The following KCNIP4 variants were observed in gnomAD, a reference collection of about 807,000 sequenced individuals.
KCNIP4 encodes the protein Kv channel-interacting protein 4.
In KCNIP4, 12 loss-of-function variants were observed where a neutral mutation model predicts 34.0. That is an observed-to-expected ratio of 0.35 (90% CI 0.23 to 0.57). KCNIP4 has a LOEUF of 0.57. Ranked by LOEUF, KCNIP4 falls within the 20% of genes least tolerant of loss-of-function variation. The probability of loss-of-function intolerance (pLI) is 0.83; values close to 1 mark genes in which losing one functional copy is unlikely to be tolerated. For synonymous variants in KCNIP4, 124 were observed against 102.2 expected, an observed-to-expected ratio of 1.21 and a Z score of -1.29; for missense variants, 238 against 311.7, an observed-to-expected ratio of 0.76 and a Z score of 1.78.
chr4:21,250,198 G>A (rs573686332), intron 1 of KCNIP4, among the ~76,000 whole-genome samples: 21 of 135,264 alleles, frequency 1.6e-4, no homozygotes, highest in Non-Finnish European at 2.6e-4. Context: ...CTACACTCTC[G>A]CAGAGATCTT....
At chr4:21,704,638 G>A (rs1430932145) in intron 1 of KCNIP4, among the ~76,000 whole-genome samples, 2 of 152,230 alleles carry the variant, frequency 1.3e-5, no homozygotes, top group East Asian at 3.9e-4. Context: ...TTATTGAAAT[G>A]CAGACTAAAA....
At chr4:20,910,043 G>C (rs1317082150) in intron 1 of KCNIP4, among the ~76,000 whole-genome samples, 1 of 152,120 alleles carries the variant, frequency 6.6e-6, no homozygotes, top group Non-Finnish European at 1.5e-5. Context: ...GCAGTTTTTC[G>C]ATCACTGTAA....
intron 1 of KCNIP4, among the ~76,000 whole-genome samples, chr4:21,707,134 A>G (rs1713339130): frequency 6.6e-6 from 1 of 152,186 alleles, no homozygotes; most frequent in Non-Finnish European, 1.5e-5. Flanking sequence ...TAAATTGACC[A>G]CAAACCATAC....
chr4:21,755,363 A>C (rs1279203535), intron 1 of KCNIP4, among the ~76,000 whole-genome samples: 1 of 152,218 alleles, frequency 6.6e-6, no homozygotes, highest in Non-Finnish European at 1.5e-5. Flanking sequence ...TCATTTAGTT[A>C]CTTACTCTAA....
At chr4:21,135,647 G>A (rs1424081852) in intron 1 of KCNIP4, among the ~76,000 whole-genome samples, 1 of 152,138 alleles carries the variant, frequency 6.6e-6, no homozygotes, top group Non-Finnish European at 1.5e-5. Flanking sequence ...CTATTCTACT[G>A]AAAACTTATT....
chr4:21,188,963 G>T (rs1328640526), intron 1 of KCNIP4, among the ~76,000 whole-genome samples: 1 of 152,162 alleles, frequency 6.6e-6, no homozygotes, highest in Non-Finnish European at 1.5e-5. Flanking sequence ...TGTAGAGTTA[G>T]AAAGTCCTAG....
chr4:20,852,861 TC>T (rs1423961232), intron 2 of KCNIP4, among the ~76,000 whole-genome samples: 2 of 152,094 alleles, frequency 1.3e-5, no homozygotes, highest in South Asian at 4.1e-4. Flanking sequence ...AATCAAGAAC[TC>T]AACCCCTTTA....
intron 1 of KCNIP4, among the ~76,000 whole-genome samples, chr4:21,413,101 T>C (rs1724646913): frequency 6.6e-6 from 1 of 152,192 alleles, no homozygotes; most frequent in Non-Finnish European, 1.5e-5. Context: ...GTTACAGAAT[T>C]GGCAGGGGCC....
chr4:21,764,707 C>G (rs546002922), intron 1 of KCNIP4, among the ~76,000 whole-genome samples: 1 of 152,138 alleles, frequency 6.6e-6, no homozygotes, highest in East Asian at 1.9e-4. Context: ...ATCTTTTCTG[C>G]CCTTTCCACC....
intron 1 of KCNIP4, among the ~76,000 whole-genome samples, chr4:21,512,824 C>T (rs974785996): frequency 5.3e-5 from 8 of 152,166 alleles, no homozygotes; most frequent in Non-Finnish European, 1.2e-4. Context: ...ACATAATTGG[C>T]TGATTTATAT....
chr4:21,041,691 G>A (rs554081731), intron 1 of KCNIP4, among the ~76,000 whole-genome samples: 13 of 152,224 alleles, frequency 8.5e-5, no homozygotes, highest in South Asian at 4.1e-4. Context: ...ATGATCTTTC[G>A]GTGATGACAA....
intron 1 of KCNIP4, among the ~76,000 whole-genome samples, chr4:21,594,916 C>G (rs1742512757): frequency 2.0e-5 from 3 of 152,108 alleles, no homozygotes; most frequent in Middle Eastern, 3.4e-3. Context: ...GCAAAAGTAA[C>G]TGTGGTTTTG....
rs888638953 is a variant in KCNIP4, at chr4:20,729,570, GT to G, written c.*511del. On this transcript the variant is annotated 3_prime_UTR_variant, in exon 9 of 9. Transcript: ENST00000382152. ...AAGGCCATAGAAACTGGAACTATGT[GT>G]TTTTTTAATTGTTGTAATCTTGTTT... 1 of 148,622 alleles carries G rather than the reference GT, an allele frequency of 6.7e-6. No individual in the cohort carries two copies. Among genetic ancestry groups the G allele is most frequent in the Non-Finnish European group, 1.5e-5 (1 of 67,282 alleles). 9.2% of individuals were successfully genotyped at this position (148,622 alleles called of 1,614,324 possible). A position where few individuals can be genotyped will look rare whatever the true frequency, so the allele number is the denominator to read the frequency against.
At chr4:20,974,216 G>A (rs555178026) in intron 1 of KCNIP4, among the ~76,000 whole-genome samples, 2 of 152,158 alleles carry the variant, frequency 1.3e-5, no homozygotes, top group African/African-American at 4.8e-5. Context: ...TCTGGACACC[G>A]TGAAAATACA....
chr4:21,179,361 C>G (rs182141213), intron 1 of KCNIP4, among the ~76,000 whole-genome samples: 1 of 152,154 alleles, frequency 6.6e-6, no homozygotes, highest in African/African-American at 2.4e-5. Context: ...ACAAAGCATC[C>G]TTCACATAAA....
At position 21,217,987 on chromosome 4, in the gene KCNIP4, GT is replaced by G. The variant is rs57025407; in HGVS notation, c.62-335279del. On this transcript the variant is annotated intron_variant, in intron 1 of 8. Coordinates refer to ENST00000382152, the MANE Select transcript of KCNIP4 (RefSeq NM_025221.6). ...CTTTTGGTCACCATCCCCCTGTATAGTTTTTTTTTTTAAATTTATTTATTTA... is the reference window on the plus strand; with the variant it reads ...CTTTTGGTCACCATCCCCCTGTATAGTTTTTTTTTTAAATTTATTTATTTA... 1.7e-3 allele frequency among the ~76,000 whole-genome samples: 250 copies of G among 145,390 alleles called. 1 individual carries two copies. The highest frequency in any genetic ancestry group is 5.0e-3 in the African/African-American group (199 of 39,654).
chr4:20,926,626 G>A (rs1299534840), intron 1 of KCNIP4, among the ~76,000 whole-genome samples: 2 of 152,074 alleles, frequency 1.3e-5, no homozygotes, highest in African/African-American at 2.4e-5. Flanking sequence ...CATTTATAAG[G>A]TTCATTTCTT....
At chr4:21,528,943 C>T (rs1383274687) in intron 1 of KCNIP4, among the ~76,000 whole-genome samples, 1 of 151,974 alleles carries the variant, frequency 6.6e-6, no homozygotes, top group Admixed American at 6.6e-5. Context: ...TACAAGTGGT[C>T]ATGTGGCATG....
At chr4:21,277,947 C>T (rs1171136056) in intron 1 of KCNIP4, among the ~76,000 whole-genome samples, 2 of 152,016 alleles carry the variant, frequency 1.3e-5, no homozygotes, top group South Asian at 2.1e-4. Context: ...AAAAGAATGG[C>T]GTTCTGCTTT....
Sources: allele counts gnomAD v4.1 joint callset (sites outside exome capture counted in the v4.1 genomes callset), GRCh38; gene constraint gnomAD v4.1.1; transcripts MANE v1.5; gene names NCBI Gene and HGNC (gene_info 2026-07-23, HGNC 2026-07-21).